The following FRMPD2 variants were observed in gnomAD, a reference collection of about 807,000 sequenced individuals.
FRMPD2 encodes the protein FERM and PDZ domain containing 2, also known as FERM and PDZ domain-containing protein 2.
FRMPD2 carries 96 observed loss-of-function variants against 140.1 expected under a neutral mutation model. That is an observed-to-expected ratio of 0.69 (90% CI 0.58 to 0.81). The LOEUF (loss-of-function observed/expected upper bound fraction) is 0.81, where lower values mean the gene tolerates loss of function less well. FRMPD2 is among the 40% of genes least tolerant of loss of function. The pLI is 0.00. For synonymous variants in FRMPD2, 449 were observed against 547.6 expected (o/e 0.82, Z 2.52); for missense variants, 1,240 against 1,447.4 (o/e 0.86, Z 2.32).
chr10:48,181,995 A>T (rs995201302), intron 20 of FRMPD2, among the ~76,000 whole-genome samples: 1 of 151,536 alleles, frequency 6.6e-6, no homozygotes, highest in African/African-American at 2.4e-5. Context: ...CCACAAATAT[A>T]TGTGGGAGGA....
Position 48,212,035 on chromosome 10 carries a change from T to C in FRMPD2, c.1530A>G (p.Leu510=), listed in dbSNP as rs190971610. 29 of 1,614,092 alleles carry C rather than the reference T, an allele frequency of 1.8e-5. No individual in the cohort carries two copies. The East Asian group carries it at 5.1e-4, about 29-fold the overall frequency. ...PASLIERMTA[L]RVQVEVSEMH... ...TCTCTGAGACTTCAACCTGGACCCG[T>C]AGAGCGGTCATCCTCTCGATCAGAC... The change falls in exon 13 of 29, where the codon CTA becomes CTG. Residue 510 remains leucine, a synonymous_variant. Transcript: ENST00000374201.
intron 27 of FRMPD2, among the ~76,000 whole-genome samples, chr10:48,167,914 C>T (rs1838140915): frequency 6.8e-6 from 1 of 146,240 alleles, no homozygotes; most frequent in Admixed American, 6.7e-5. Context: ...GCCTCCAGAC[C>T]ACCTTTGGGC....
chr10:48,221,978 T>TTGAA (rs1554796573), intron 12 of FRMPD2, among the ~76,000 whole-genome samples: 2 of 136,280 alleles, frequency 1.5e-5, no homozygotes, highest in African/African-American at 5.6e-5. Flanking sequence ...GGATGGATGG[T>TTGAA]TGGATGGATG....
At chr10:48,183,711 G>T (rs1838603996) in intron 20 of FRMPD2, among the ~76,000 whole-genome samples, 1 of 151,894 alleles carries the variant, frequency 6.6e-6, no homozygotes, top group Non-Finnish European at 1.5e-5. Context: ...AATTAGCCGG[G>T]TGTGGCAGCG....
chr10:48,201,477 A>G, intron 14 of FRMPD2, 93 bp from the exon 15 acceptor site: 1 of 1,203,718 alleles, frequency 8.3e-7, no homozygotes, highest in Non-Finnish European at 1.2e-6. Flanking sequence ...CCTTGGTTCC[A>G]CACCCTGTAG....
In FRMPD2 at chr10:48,163,373, AC is replaced by A. The variant is rs1837997778; in HGVS notation, c.3835del (p.Val1279Ter). 5 of 985,454 alleles carry A rather than the reference AC, an allele frequency of 5.1e-6. No homozygotes were observed. The highest frequency in any genetic ancestry group is 6.5e-6 in the Non-Finnish European group (4 of 613,224). The allele number at this position is 985,454 out of a possible 1,614,324, so 61.0% of individuals were successfully genotyped here. A position where few individuals can be genotyped will look rare whatever the true frequency, so the allele number is the denominator to read the frequency against. On this transcript the variant is annotated frameshift_variant, in exon 28 of 29. Coordinates refer to ENST00000374201, the MANE Select transcript of FRMPD2 (RefSeq NM_001018071.4). LOFTEE classifies it high-confidence loss of function. ...ACAAACTGAATAGCAGTTTTGCCTC[AC>A]ATCCTTTTCCAAAGAGGTCGCCAAT... ...STLATSLEKD[V>X]RQNCYSVCDI...
intron 15 of FRMPD2, 50 bp downstream of exon 15, chr10:48,201,178 G>A: frequency 3.5e-6 from 5 of 1,413,612 alleles, no homozygotes; most frequent in Non-Finnish European, 4.7e-6. Context: ...ATTATTTTAT[G>A]AAATAACAAA....
Position 48,257,239 on chromosome 10 carries a change from C to A in FRMPD2, c.26-5548G>T, listed in dbSNP as rs112084358. ...GGTTCCACAAATCAGGATGTGGATA[C>A]CTTTACGGTTTTTATTTTTTTATTT... On this transcript the variant is annotated intron_variant, in intron 1 of 28. Transcript: ENST00000374201. Among the ~76,000 whole-genome samples, 979 of 151,168 alleles carry A rather than the reference C, an allele frequency of 6.5e-3. 10 individuals carry two copies. The highest frequency in any genetic ancestry group is 0.022 in the African/African-American group (908 of 41,236).
intron 15 of FRMPD2, among the ~76,000 whole-genome samples, chr10:48,198,132 A>C (rs1453180054): frequency 6.6e-6 from 1 of 152,230 alleles, no homozygotes; most frequent in Non-Finnish European, 1.5e-5. Flanking sequence ...TTTAACCAAT[A>C]GTCTTACTCT....
intron 1 of FRMPD2, among the ~76,000 whole-genome samples, chr10:48,261,628 A>T (rs1470032211): frequency 6.6e-6 from 1 of 152,210 alleles, no homozygotes; most frequent in African/African-American, 2.4e-5. Flanking sequence ...GGTCACCAGT[A>T]GGCTTGCCTT....
chr10:48,261,146 A>T (rs1392754515), intron 1 of FRMPD2, among the ~76,000 whole-genome samples: 1 of 152,172 alleles, frequency 6.6e-6, no homozygotes, highest in Non-Finnish European at 1.5e-5. Flanking sequence ...AGAATATCCA[A>T]GAACTGTGGA....
At chr10:48,257,349 G>A (rs1402308732) in intron 1 of FRMPD2, among the ~76,000 whole-genome samples, 1 of 151,340 alleles carries the variant, frequency 6.6e-6, no homozygotes, top group East Asian at 1.9e-4. Context: ...GCGTGATCTC[G>A]GCTCTCTGCA....
In FRMPD2 at chr10:48,192,899, A is replaced by G; in HGVS notation, c.1955-5T>C. ...TTTGCACAAACTTATCATGGTCTGA[A>G]TTTGGGGAGAAAAACATAGACATAC... On this transcript the variant is annotated splice_polypyrimidine_tract_variant and splice_region_variant and intron_variant, in intron 15 of 28. Coordinates refer to ENST00000374201, the MANE Select transcript of FRMPD2 (RefSeq NM_001018071.4). The G allele has an allele frequency of 1.2e-6, 2 of 1,609,524 alleles. No individual in the cohort carries two copies. The highest frequency in any genetic ancestry group is 1.7e-6 in the Non-Finnish European group (2 of 1,177,212).
rs776333647 is a variant in FRMPD2, at chr10:48,274,568, C to T, written c.-1G>A. 11 of 1,613,954 alleles carry T rather than the reference C, an allele frequency of 6.8e-6. No homozygotes were observed. The highest frequency in any genetic ancestry group is 8.5e-6 in the Non-Finnish European group (10 of 1,179,948). On this transcript the variant is annotated 5_prime_UTR_variant, in exon 1 of 29. Transcript: ENST00000374201. The stretch of plus-strand genomic sequence containing the variant: ...CTGCGTCCTTCGTTAAAGGCTGCAT[C>T]CAAAAGTCTCCGTGACCAGGTCTAG...
At chr10:48,230,808 C>G (rs1839832124) in intron 10 of FRMPD2, among the ~76,000 whole-genome samples, 1 of 152,174 alleles carries the variant, frequency 6.6e-6, no homozygotes, top group South Asian at 2.1e-4. Context: ...CTTCTCTGTT[C>G]CTAAAGCCCT....
intron 1 of FRMPD2, among the ~76,000 whole-genome samples, chr10:48,262,003 A>C (rs1840600264): frequency 6.6e-6 from 1 of 152,192 alleles, no homozygotes. Context: ...ATGCTCAATT[A>C]CAACTAGAGA....
At chr10:48,219,234 C>CTTT (rs56740008) in intron 12 of FRMPD2, among the ~76,000 whole-genome samples, 33 of 144,172 alleles carry the variant, frequency 2.3e-4, no homozygotes, top group African/African-American at 6.6e-4. Context: ...TTCTTTCTTT[C>CTTT]TTTTTTTTTT....
At chr10:48,267,795 G>A (rs1017914720) in intron 1 of FRMPD2, among the ~76,000 whole-genome samples, 4 of 152,298 alleles carry the variant, frequency 2.6e-5, no homozygotes, top group East Asian at 3.9e-4. Flanking sequence ...CCATACAATG[G>A]AACATTACTC....
chr10:48,259,566 T>C (rs1840543032), intron 1 of FRMPD2, among the ~76,000 whole-genome samples: 1 of 152,204 alleles, frequency 6.6e-6, no homozygotes, highest in African/African-American at 2.4e-5. Flanking sequence ...GATTAATATG[T>C]AATGTATTCT....
Sources: gnomAD v4.1 joint callset for allele counts (sites outside exome capture counted in the v4.1 genomes callset) on GRCh38, gnomAD v4.1.1 for gene constraint, MANE v1.5 for transcripts, NCBI Gene and HGNC (gene_info 2026-07-23, HGNC 2026-07-21) for gene names.